BBS9: variants seen among roughly 807,000 people sequenced by gnomAD.
BBS9 encodes the protein Bardet-Biedl syndrome 9.
A neutral mutation model predicts 117.7 loss-of-function variants in BBS9; 89 were observed. That is an observed-to-expected ratio of 0.76 (90% CI 0.64 to 0.90). BBS9 has a LOEUF of 0.90. Among genes scored for constraint, BBS9 ranks in the 40% least tolerant of loss-of-function variants. The pLI is 0.00. For synonymous variants in BBS9, 379 were observed against 370.9 expected, an observed-to-expected ratio of 1.02 and a Z score of -0.25; for missense variants, 982 against 1,042.2, an observed-to-expected ratio of 0.94 and a Z score of 0.80.
chr7:33,618,337 C>T (rs987574199), intron 21 of BBS9, among the ~76,000 whole-genome samples: 3 of 150,376 alleles, frequency 2.0e-5, no homozygotes, highest in Admixed American at 2.0e-4. Flanking sequence ...AGAGCAGAAC[C>T]TTGTCTCAAA....
chr7:33,219,640 G>A (rs908248601), intron 5 of BBS9, among the ~76,000 whole-genome samples: 30 of 152,090 alleles, frequency 2.0e-4, no homozygotes, highest in African/African-American at 5.8e-4. Context: ...TGGACACTCC[G>A]TATCTAGCTA....
intron 16 of BBS9, among the ~76,000 whole-genome samples, chr7:33,363,944 T>TGCCAAAC (rs1821144358): frequency 2.0e-5 from 2 of 100,110 alleles, no homozygotes; most frequent in Admixed American, 8.9e-5. Context: ...ATTTTTTTTT[T>TGCCAAAC]TATTTTTTAT....
intron 19 of BBS9, among the ~76,000 whole-genome samples, chr7:33,430,831 G>A (rs1448390995): frequency 6.6e-6 from 1 of 152,174 alleles, no homozygotes; most frequent in Non-Finnish European, 1.5e-5. Flanking sequence ...CTTGGGATTT[G>A]CAGTCTTCAA....
intron 19 of BBS9, among the ~76,000 whole-genome samples, chr7:33,389,672 G>C (rs913937875): frequency 2.5e-5 from 3 of 122,262 alleles, no homozygotes; most frequent in African/African-American, 6.5e-5. Context: ...CTGGGTGACA[G>C]AGCAAGACTC....
intron 9 of BBS9, among the ~76,000 whole-genome samples, chr7:33,323,572 G>T (rs1256496562): frequency 6.6e-6 from 1 of 151,510 alleles, no homozygotes; most frequent in Non-Finnish European, 1.5e-5. Context: ...GTCTTCTTTA[G>T]TTTCCACTGG....
At chr7:33,192,251 T>G (rs1448910944) in intron 5 of BBS9, among the ~76,000 whole-genome samples, 3 of 152,190 alleles carry the variant, frequency 2.0e-5, no homozygotes, top group African/African-American at 7.2e-5. Context: ...GTTGAGTAAT[T>G]TATTCAATAT....
chr7:33,630,786 T>C (rs1350606614), intron 21 of BBS9, among the ~76,000 whole-genome samples: 1 of 135,760 alleles, frequency 7.4e-6, no homozygotes, highest in Admixed American at 7.5e-5. Context: ...TGCAGAGGCA[T>C]GGTTTCCTGC....
At chr7:33,175,514 A>G (rs1021052834) in intron 4 of BBS9, among the ~76,000 whole-genome samples, 2 of 152,130 alleles carry the variant, frequency 1.3e-5, no homozygotes, top group African/African-American at 4.8e-5. Flanking sequence ...CCTCACAACC[A>G]CCAGAGGAGG....
In BBS9 at chr7:33,383,650, A is replaced by G. The variant is rs545383863; in HGVS notation, c.1790-16A>G. On this transcript the variant is annotated splice_polypyrimidine_tract_variant and intron_variant, in intron 17 of 22. Transcript: ENST00000242067. ...TCTGTGTTACTAAGCATTTTTCCTTAATTTTTTTCTCTCAGAACGATATCG... is the reference window on the plus strand; with the variant it reads ...TCTGTGTTACTAAGCATTTTTCCTTGATTTTTTTCTCTCAGAACGATATCG... The G allele has an allele frequency of 1.5e-4, 244 of 1,591,106 alleles. No individual in the cohort carries two copies. Among genetic ancestry groups the G allele is most frequent in the Admixed American group, 4.7e-4 (27 of 57,460 alleles).
At chr7:33,605,005 T>G in intron 22 of BBS9, 30 bp downstream of exon 22, 1 of 1,557,318 alleles carries the variant, frequency 6.4e-7, no homozygotes, top group Non-Finnish European at 8.9e-7. Context: ...TCACAAGCGT[T>G]AGTTAAGTCA....
intron 5 of BBS9, among the ~76,000 whole-genome samples, chr7:33,197,426 A>G (rs1785123703): frequency 6.6e-6 from 1 of 152,094 alleles, no homozygotes; most frequent in Non-Finnish European, 1.5e-5. Flanking sequence ...TGAGAAATGA[A>G]CAATCTGCCC....
chr7:33,151,953 G>A (rs576355907), intron 2 of BBS9, among the ~76,000 whole-genome samples: 1 of 149,612 alleles, frequency 6.7e-6, no homozygotes, highest in Non-Finnish European at 1.5e-5. Flanking sequence ...GAACTCCTTG[G>A]CTCAAGCAGT....
At chr7:33,536,705 A>ACCTCCCCCCCGCCCCCCGCCTC (rs1563323478) in intron 21 of BBS9, among the ~76,000 whole-genome samples, 1 of 6,180 alleles carries the variant, frequency 1.6e-4, no homozygotes. Flanking sequence ...GCCTCCCCCC[A>ACCTCCCCCCCGCCCCCCGCCTC]CCCCACTTAA....
rs190523687 is a variant in BBS9, at chr7:33,412,973, A to G, written c.2115+24829A>G. Among the ~76,000 whole-genome samples, 83 of 152,316 alleles carry G rather than the reference A, an allele frequency of 5.4e-4. 1 individual carries two copies. Among genetic ancestry groups the G allele is most frequent in the Non-Finnish European group, 5.0e-4 (34 of 68,024 alleles). On this transcript the variant is annotated intron_variant, in intron 19 of 22. Transcript: ENST00000242067. Reference sequence around the variant, plus strand: ...TAAAATTTTGAAAGCTGTTGACTACAATGTTTGATATAGTTTAGTAGGGAA... The same window carrying G: ...TAAAATTTTGAAAGCTGTTGACTACGATGTTTGATATAGTTTAGTAGGGAA...
intron 1 of BBS9, among the ~76,000 whole-genome samples, chr7:33,138,363 G>C (rs1790889678): frequency 6.6e-6 from 1 of 151,190 alleles, no homozygotes; most frequent in South Asian, 2.1e-4. Flanking sequence ...GAAAACTGGA[G>C]CTCTGCTGTA....
intron 21 of BBS9, among the ~76,000 whole-genome samples, chr7:33,560,130 G>A (rs1412561881): frequency 1.3e-5 from 2 of 152,188 alleles, no homozygotes; most frequent in African/African-American, 4.8e-5. Flanking sequence ...CTTGAGGATA[G>A]TGCATGTGTT....
intron 5 of BBS9, among the ~76,000 whole-genome samples, chr7:33,230,279 CT>C (rs1260041219): frequency 2.6e-5 from 4 of 151,954 alleles, no homozygotes; most frequent in Non-Finnish European, 2.9e-5. Context: ...TTTATTTTTG[CT>C]TTTGTGGCCT....
intron 9 of BBS9, among the ~76,000 whole-genome samples, chr7:33,320,408 C>G (rs1487542688): frequency 2.6e-5 from 4 of 152,176 alleles, no homozygotes; most frequent in Non-Finnish European, 4.4e-5. Context: ...CTTGTTGTTG[C>G]AAATGACAGG....
intron 9 of BBS9, among the ~76,000 whole-genome samples, chr7:33,324,362 C>A (rs1812388719): frequency 6.6e-6 from 1 of 152,172 alleles, no homozygotes; most frequent in East Asian, 1.9e-4. Flanking sequence ...AAAAACTCTA[C>A]AGTTAACTTT....
Sources: allele counts gnomAD v4.1 joint callset (sites outside exome capture counted in the v4.1 genomes callset), GRCh38; gene constraint gnomAD v4.1.1; transcripts MANE v1.5; gene names NCBI Gene and HGNC (gene_info 2026-07-23, HGNC 2026-07-21).